The following MAGI1 variants were observed in gnomAD, a reference collection of about 807,000 sequenced individuals.
MAGI1 encodes the protein membrane-associated guanylate kinase, WW and PDZ domain-containing protein 1.
In MAGI1, 58 loss-of-function variants were observed where a neutral mutation model predicts 139.9. That is an observed-to-expected ratio of 0.41 (90% CI 0.34 to 0.52). The LOEUF (loss-of-function observed/expected upper bound fraction) is 0.52. Among genes scored for constraint, MAGI1 ranks in the 20% least tolerant of loss-of-function variants. The pLI, the probability that MAGI1 is intolerant of heterozygous loss-of-function variation, is 0.12. For missense variants in MAGI1, 1,874 were observed against 1,901.6 expected, an observed-to-expected ratio of 0.99 and a Z score of 0.27; for synonymous variants, 812 against 737.9, an observed-to-expected ratio of 1.10 and a Z score of -1.63.
At chr3:65,469,311 T>C (rs573702999) in intron 5 of MAGI1, among the ~76,000 whole-genome samples, 1 of 152,146 alleles carries the variant, frequency 6.6e-6, no homozygotes, top group African/African-American at 2.4e-5. Context: ...GAATCTGTGG[T>C]ATTTTTTTTA....
chr3:65,883,284 C>A (rs868598899), intron 1 of MAGI1, among the ~76,000 whole-genome samples: 5 of 152,118 alleles, frequency 3.3e-5, no homozygotes, highest in Admixed American at 3.3e-4. Flanking sequence ...TTTTGTGTTA[C>A]CTAAACAAGT....
intron 1 of MAGI1, among the ~76,000 whole-genome samples, chr3:66,027,031 A>G (rs1278562324): frequency 6.6e-6 from 1 of 150,930 alleles, no homozygotes; most frequent in Non-Finnish European, 1.5e-5. Flanking sequence ...GCACTTTGGG[A>G]GGCCGAGGCG....
At chr3:65,655,955 C>G (rs2085851760) in intron 1 of MAGI1, among the ~76,000 whole-genome samples, 1 of 152,132 alleles carries the variant, frequency 6.6e-6, no homozygotes, top group African/African-American at 2.4e-5. Flanking sequence ...TTATTTCTGT[C>G]TCTCTTCAAA....
intron 2 of MAGI1, among the ~76,000 whole-genome samples, chr3:65,518,083 T>C (rs1443564836): frequency 6.6e-6 from 1 of 152,200 alleles, no homozygotes; most frequent in Non-Finnish European, 1.5e-5. Context: ...ATCTGGTCCA[T>C]ATTAGGTGCT....
intron 5 of MAGI1, among the ~76,000 whole-genome samples, chr3:65,456,140 C>A (rs2107512723): frequency 6.6e-6 from 1 of 152,316 alleles, no homozygotes; most frequent in Non-Finnish European, 1.5e-5. Context: ...ATGAGAGATC[C>A]AGTTTCACTG....
chr3:65,489,357 A>G (rs1322683692), intron 3 of MAGI1, among the ~76,000 whole-genome samples: 2 of 152,340 alleles, frequency 1.3e-5, no homozygotes, highest in Admixed American at 6.5e-5. Context: ...TAAATACTCA[A>G]TAAATATTTG....
At chr3:65,454,225 C>T (rs1949230282) in intron 5 of MAGI1, among the ~76,000 whole-genome samples, 1 of 152,120 alleles carries the variant, frequency 6.6e-6, no homozygotes, top group Non-Finnish European at 1.5e-5. Context: ...GTTCTGGCTA[C>T]AAACTAGACA....
intron 12 of MAGI1, among the ~76,000 whole-genome samples, chr3:65,428,111 T>A (rs1164983321): frequency 6.6e-6 from 1 of 152,214 alleles, no homozygotes; most frequent in Non-Finnish European, 1.5e-5. Context: ...GCCATTCTGA[T>A]CGCAGAACAC....
intron 1 of MAGI1, among the ~76,000 whole-genome samples, chr3:65,731,831 G>T (rs1395282091): frequency 5.9e-5 from 9 of 152,200 alleles, no homozygotes; most frequent in Admixed American, 5.2e-4. Context: ...GTTAAATGTG[G>T]ATAGTAGCCA....
intron 2 of MAGI1, among the ~76,000 whole-genome samples, chr3:65,519,853 G>A (rs2078073229): frequency 1.3e-5 from 2 of 152,214 alleles, no homozygotes; most frequent in African/African-American, 4.8e-5. Context: ...TCCACCCCCT[G>A]TGTATTTGTG....
At chr3:65,822,749 T>C (rs559873695) in intron 1 of MAGI1, among the ~76,000 whole-genome samples, 16 of 152,028 alleles carry the variant, frequency 1.1e-4, no homozygotes, top group South Asian at 2.1e-4. Flanking sequence ...ATGAGGAAGA[T>C]AGAGTGTGAG....
intron 2 of MAGI1, among the ~76,000 whole-genome samples, chr3:65,581,726 A>C (rs2081433300): frequency 6.6e-6 from 1 of 152,088 alleles, no homozygotes; most frequent in South Asian, 2.1e-4. Flanking sequence ...CAGCATACCC[A>C]ATACCCCTTA....
chr3:65,710,710 T>A (rs903985570), intron 1 of MAGI1, among the ~76,000 whole-genome samples: 6 of 152,210 alleles, frequency 3.9e-5, no homozygotes, highest in African/African-American at 1.4e-4. Context: ...GTGAAGAAAC[T>A]GATTTTCAGA....
intron 1 of MAGI1, among the ~76,000 whole-genome samples, chr3:65,681,276 G>A (rs2087572490): frequency 6.6e-6 from 1 of 152,088 alleles, no homozygotes; most frequent in Non-Finnish European, 1.5e-5. Context: ...AAAGACCTGG[G>A]TCTCATTTAT....
chr3:65,848,159 T>C (rs2059073958), intron 1 of MAGI1, among the ~76,000 whole-genome samples: 1 of 152,176 alleles, frequency 6.6e-6, no homozygotes, highest in African/African-American at 2.4e-5. Context: ...AGCATTCCAC[T>C]TTGTCAGACC....
intron 1 of MAGI1, among the ~76,000 whole-genome samples, chr3:65,975,550 G>C (rs932824352): frequency 6.6e-6 from 1 of 151,972 alleles, no homozygotes; most frequent in African/African-American, 2.4e-5. Flanking sequence ...GAGCCTAGGA[G>C]TTCAAGACCA....
At chr3:65,964,350 G>C (rs1360082507) in intron 1 of MAGI1, among the ~76,000 whole-genome samples, 2 of 152,160 alleles carry the variant, frequency 1.3e-5, no homozygotes, top group Non-Finnish European at 2.9e-5. Flanking sequence ...CTACAAAGGA[G>C]AAAGAAAGGT....
At chr3:65,723,322 A>G (rs983493262) in intron 1 of MAGI1, among the ~76,000 whole-genome samples, 27 of 152,186 alleles carry the variant, frequency 1.8e-4, no homozygotes, top group African/African-American at 6.3e-4. Context: ...GAAAAGAGCT[A>G]CATCACCAAG....
intron 3 of MAGI1, 80 bp from the exon 4 acceptor site, chr3:65,478,878 T>C: frequency 9.5e-7 from 1 of 1,054,210 alleles, no homozygotes; most frequent in South Asian, 1.4e-5. Flanking sequence ...TCCAAATCTC[T>C]AGGCACATTA....
Sources: gnomAD v4.1 joint callset for allele counts (sites outside exome capture counted in the v4.1 genomes callset) on GRCh38, gnomAD v4.1.1 for gene constraint, MANE v1.5 for transcripts, NCBI Gene and HGNC (gene_info 2026-07-23, HGNC 2026-07-21) for gene names.